The following COL18A1 variants were observed in gnomAD, a reference collection of about 807,000 sequenced individuals.
COL18A1 encodes collagen alpha-1(XVIII) chain.
In COL18A1, 133 loss-of-function variants were observed where a neutral mutation model predicts 168.0. That is an observed-to-expected ratio of 0.79 (90% CI 0.69 to 0.91). The LOEUF is 0.91. COL18A1 is among the 40% of genes least tolerant of loss of function. The pLI is 0.00. For missense variants in COL18A1, 2,126 were observed against 1,925.4 expected (o/e 1.10, Z -1.95); for synonymous variants, 949 against 809.0 (o/e 1.17, Z -2.94).
Position 45,498,988 on chromosome 21 carries a change from G to A in COL18A1, c.2683+1327G>A, listed in dbSNP as rs1195524439. ...CCCTGGGAGCCAGAACGAGGGCTCC[G>A]AGGGCTCTAGAGGGAACAGTGTTTG... On this transcript the variant is annotated intron_variant, in intron 32 of 41. Coordinates refer to ENST00000651438, the MANE Select transcript of COL18A1 (RefSeq NM_001379500.1). The surrounding 1 kb of genome is among the most constrained non-coding windows in gnomAD (Gnocchi z 4.5). Among the ~76,000 whole-genome samples, 2 of 152,160 alleles carry A rather than the reference G, an allele frequency of 1.3e-5. No individual in the cohort carries two copies. Among genetic ancestry groups the A allele is most frequent in the South Asian group, 2.1e-4 (1 of 4,830 alleles).
chr21:45,437,979 CACACTCAG>C (rs1325665024), intron 2 of COL18A1, among the ~76,000 whole-genome samples: 3 of 85,976 alleles, frequency 3.5e-5, no homozygotes, highest in Admixed American at 2.1e-4. Context: ...CACACACTCA[CACACTCAG>C]ACACACAGGC....
At chr21:45,492,043 C>T (rs1248282563) in intron 22 of COL18A1, among the ~76,000 whole-genome samples, 1 of 152,198 alleles carries the variant, frequency 6.6e-6, no homozygotes, top group Non-Finnish European at 1.5e-5. Context: ...CCTTGTGCTC[C>T]AGCTCCCCAC....
intron 34 of COL18A1, 89 bp downstream of exon 34, chr21:45,504,645 G>A (rs1006240738): frequency 1.2e-4 from 148 of 1,187,036 alleles, no homozygotes; most frequent in Middle Eastern, 2.7e-4. Context: ...TTCGACACCC[G>A]CGAAGGCCGG....
chr21:45,509,347 C>A lies in COL18A1; in HGVS notation c.3250-9C>A, dbSNP rs778256556. 2 of 1,545,226 alleles carry A rather than the reference C, an allele frequency of 1.3e-6. No homozygotes were observed. Among genetic ancestry groups the A allele is most frequent in the East Asian group, 2.4e-5 (1 of 41,098 alleles). Reference sequence around the variant, plus strand: ...CCCCGCCGACAGGCCCCACGTCTCCCACCTGCAGGACAATGAAGTGGCCGC... The same window carrying A: ...CCCCGCCGACAGGCCCCACGTCTCCAACCTGCAGGACAATGAAGTGGCCGC... On this transcript the variant is annotated splice_polypyrimidine_tract_variant and intron_variant, in intron 38 of 41. Coordinates refer to ENST00000651438, the MANE Select transcript of COL18A1 (RefSeq NM_001379500.1).
chr21:45,479,896 T>A lies in COL18A1; in HGVS notation c.1249-6T>A. The A allele has an allele frequency of 6.2e-7, 1 of 1,613,278 alleles. No homozygotes were observed. The highest frequency in any genetic ancestry group is 8.5e-7 in the Non-Finnish European group (1 of 1,179,872). ...CCTGACCGGGCCCCCGGATGTTGTGTTCCAGGGCGACACCGGGCCACAAGG... is the reference window on the plus strand; with the variant it reads ...CCTGACCGGGCCCCCGGATGTTGTGATCCAGGGCGACACCGGGCCACAAGG... On this transcript the variant is annotated splice_region_variant and splice_polypyrimidine_tract_variant and intron_variant, in intron 9 of 41. Coordinates refer to ENST00000651438, the MANE Select transcript of COL18A1 (RefSeq NM_001379500.1).
chr21:45,509,828 G>T (rs976219639), intron 39 of COL18A1, among the ~76,000 whole-genome samples: 1 of 152,194 alleles, frequency 6.6e-6, no homozygotes, highest in African/African-American at 2.4e-5. Flanking sequence ...TTGAGGAACC[G>T]GCGTACCTCC....
chr21:45,426,854 G>A (rs976404136), intron 2 of COL18A1, among the ~76,000 whole-genome samples: 5 of 152,242 alleles, frequency 3.3e-5, no homozygotes, highest in East Asian at 3.9e-4. Flanking sequence ...TACCCATGCT[G>A]CTGGGACTGA....
chr21:45,455,118 G>A (rs972707055), intron 2 of COL18A1, among the ~76,000 whole-genome samples: 5 of 152,250 alleles, frequency 3.3e-5, no homozygotes, highest in African/African-American at 9.6e-5. Context: ...GGCGTTCCAG[G>A]TCAGAGGGGG....
At position 45,408,626 on chromosome 21, in the gene COL18A1, G is replaced by C. The variant is rs571989550; in HGVS notation, c.106+3153G>C. ...CTGCAGCCTGCAGGCAGCCCAGAGAGAGGGGCCCCCACAACACCCTCCCCA... is the reference window on the plus strand; with the variant it reads ...CTGCAGCCTGCAGGCAGCCCAGAGACAGGGGCCCCCACAACACCCTCCCCA... On this transcript the variant is annotated intron_variant, in intron 2 of 41. Transcript: ENST00000651438. The C allele has an allele frequency of 1.5e-4, 23 of 152,444 alleles. No individual in the cohort carries two copies. The East Asian group carries it at 4.2e-3, about 28-fold the overall frequency. The allele number at this position is 152,444 out of a possible 1,614,324, so 9.4% of individuals were successfully genotyped here.
Position 45,477,985 on chromosome 21 carries a change from C to T in COL18A1, c.1221+20C>T, listed in dbSNP as rs778158404. 67 of 1,301,324 alleles carry T rather than the reference C, an allele frequency of 5.1e-5. No individual in the cohort carries two copies. Among genetic ancestry groups the T allele is most frequent in the African/African-American group, 1.3e-4 (9 of 68,292 alleles). The allele number at this position is 1,301,324 out of a possible 1,614,324, so 80.6% of individuals were successfully genotyped here. The stretch of plus-strand genomic sequence containing the variant: ...GAGCCGGTGAGTCCTCACGTCCCCC[C>T]GAGTCCGGCCCGGTCTGGAGGGTGG... On this transcript the variant is annotated intron_variant, in intron 8 of 41. Transcript: ENST00000651438.
At chr21:45,479,394 A>G (rs1192846387) in intron 9 of COL18A1, among the ~76,000 whole-genome samples, 2 of 151,932 alleles carry the variant, frequency 1.3e-5, no homozygotes, top group African/African-American at 2.4e-5. Context: ...GCATGCACAC[A>G]TGCTACACGC....
Position 45,468,245 on chromosome 21 carries a change from G to T in COL18A1, c.110G>T (p.Arg37Leu). Residue 37 changes from arginine (R) to leucine (L), a missense_variant, in exon 3 of 42, where the codon CGC (arginine) becomes CTC (leucine). Physicochemically the swap from Arg to Leu is moderately radical, Grantham distance 102 (BLOSUM62 -2). Transcript: ENST00000651438. ...GVRAASAEPE[R>L]ISEEVGLLQL... ...CCAGCTGTCTTTCTTTTTGCAGAGCGCATCAGCGAGGAGGTGGGGCTGCTG... is the reference window on the plus strand; with the variant it reads ...CCAGCTGTCTTTCTTTTTGCAGAGCTCATCAGCGAGGAGGTGGGGCTGCTG... 6.2e-7 allele frequency: 1 copy of T among 1,612,924 alleles called. No homozygotes were observed. Among genetic ancestry groups the T allele is most frequent in the South Asian group, 1.1e-5 (1 of 91,088 alleles).
intron 2 of COL18A1, among the ~76,000 whole-genome samples, chr21:45,453,372 A>G (rs1196726100): frequency 6.6e-6 from 1 of 152,144 alleles, no homozygotes; most frequent in African/African-American, 2.4e-5. Flanking sequence ...CATGAGCAGG[A>G]GTGAGCATAC....
rs1381029820 is a variant in COL18A1 at position 45,488,463 on chromosome 21, T to C, written c.1923+19T>C. ...ACTTAAGGTCAGTGACGGATATGTC[T>C]GGGTTTCTGTGGTTGCTGGCTTGGC... is the stretch of plus-strand genomic sequence containing the variant. On this transcript the variant is annotated intron_variant, in intron 18 of 41. Coordinates refer to ENST00000651438, the MANE Select transcript of COL18A1 (RefSeq NM_001379500.1). 2.5e-6 allele frequency: 4 copies of C among 1,613,834 alleles called. No homozygotes were observed. In the South Asian group the frequency reaches 4.4e-5, roughly 18 times the overall value.
At chr21:45,418,605 C>T (rs1211285258) in intron 2 of COL18A1, among the ~76,000 whole-genome samples, 2 of 152,142 alleles carry the variant, frequency 1.3e-5, no homozygotes, top group African/African-American at 2.4e-5. Flanking sequence ...CTGCACAGCC[C>T]GCCTCGTGCA....
rs1568906487 is a variant in COL18A1 at position 45,479,183 on chromosome 21, T to TG, written c.1249-718dup. 1.1e-3 allele frequency among the ~76,000 whole-genome samples: 145 copies of TG among 137,382 alleles called. 4 individuals are homozygous for TG. The highest frequency in any genetic ancestry group is 5.3e-3 in the East Asian group (25 of 4,740). The allele number at this position is 137,382 out of a possible 152,430, so 90.1% of individuals were successfully genotyped here. ...GTGTGAATGTGTGACTGCGCGTGTG[T>TG]GTGGGGGGGTGAGGATCCACACGTA... On this transcript the variant is annotated intron_variant, in intron 9 of 41. Coordinates refer to ENST00000651438, the MANE Select transcript of COL18A1 (RefSeq NM_001379500.1).
At chr21:45,475,426 G>A (rs909197973) in intron 4 of COL18A1, 50 bp from the exon 5 acceptor site, 5 of 1,523,132 alleles carry the variant, frequency 3.3e-6, no homozygotes, top group African/African-American at 1.4e-5. Context: ...CGGGCTCGGG[G>A]CCTGGCCTGG....
intron 2 of COL18A1, chr21:45,424,314 C>T (rs2033715501): frequency 6.6e-6 from 1 of 152,452 alleles, no homozygotes; most frequent in Non-Finnish European, 1.5e-5. Flanking sequence ...AGGCTCAGGG[C>T]TCTGCTGGGG....
intron 28 of COL18A1, 43 bp downstream of exon 28, chr21:45,494,958 G>GGC (rs1435133474): frequency 6.4e-7 from 1 of 1,569,652 alleles, no homozygotes; most frequent in East Asian, 2.3e-5. Flanking sequence ...GATGGGGTCT[G>GGC]GCAGGTGGGG....
Sources: gnomAD v4.1 joint callset for allele counts (sites outside exome capture counted in the v4.1 genomes callset) on GRCh38, gnomAD v4.1.1 for gene constraint, Gnocchi (gnomAD v3.1) non-coding constraint, MANE v1.5 for transcripts, NCBI Gene and HGNC (gene_info 2026-07-23, HGNC 2026-07-21) for gene names.